The following NTN3 variants were observed in gnomAD, a reference collection of about 807,000 sequenced individuals.
NTN3 encodes the protein netrin 3, also known as netrin-3.
A neutral mutation model predicts 37.2 loss-of-function variants in NTN3; 44 were observed. The observed-to-expected ratio is 1.18, with a 90% CI of 0.93 to 1.52. The LOEUF is 1.52. Ranked by LOEUF, NTN3 falls within the 40% of genes most tolerant of loss-of-function variation. NTN3 has a pLI of 0.00. For missense variants in NTN3, 882 were observed against 857.3 expected (o/e 1.03, Z -0.36); for synonymous variants, 385 against 376.0 (o/e 1.02, Z -0.28).
chr16:2,472,168 T>C lies in NTN3; in HGVS notation c.467T>C (p.Leu156Pro), dbSNP rs2065525371. 1 of 1,608,606 alleles carries C rather than the reference T, an allele frequency of 6.2e-7. No homozygotes were observed. The highest frequency in any genetic ancestry group is 8.5e-7 in the Non-Finnish European group (1 of 1,179,854). Residue 156 changes from leucine to proline, a missense_variant, in exon 1 of 6, where the codon CTG becomes CCG. Transcript: ENST00000293973. ...GGCTTCTTCTCCTCCCACTGTGACC[T>C]GGACTATGGCCGTCTGCCTGCCCCT... is the stretch of plus-strand genomic sequence containing the variant. Reference protein sequence around the residue: ...PLGFFSSHCDLDYGRLPAPAN... With the variant: ...PLGFFSSHCDPDYGRLPAPAN...
At chr16:2,472,674 C>T in intron 1 of NTN3, 27 bp from the exon 2 acceptor site, 1 of 1,606,292 alleles carries the variant, frequency 6.2e-7, no homozygotes, top group Non-Finnish European at 8.5e-7. Context: ...CACAACCAGC[C>T]TGCCCCTGAC....
Position 2,472,017 on chromosome 16 carries a change from ACT to A in NTN3, c.320_321del (p.Leu107HisfsTer9). ...CCTGCCTCGGGCGCCCCTCAACGTG[ACT>A]CTCACGGTGCCCCTGGGCAAGGCTT... ...ESLPRAPLNVTLTVPLGKAFE... is the reference protein window; with the variant it reads ...ESLPRAPLNVXLTVPLGKAFE... On this transcript the variant is annotated frameshift_variant, in exon 1 of 6. Transcript: ENST00000293973. LOFTEE classifies it high-confidence loss of function. The A allele has an allele frequency of 6.2e-7, 1 of 1,606,388 alleles. No homozygotes were observed. The highest frequency in any genetic ancestry group is 1.3e-5 in the African/African-American group (1 of 74,912).
At position 2,472,118 on chromosome 16, in the gene NTN3, C is replaced by A; in HGVS notation, c.417C>A (p.Asp139Glu). The A allele has an allele frequency of 6.2e-7, 1 of 1,608,242 alleles. No homozygotes were observed. Among genetic ancestry groups the A allele is most frequent in the Non-Finnish European group, 8.5e-7 (1 of 1,178,888 alleles). ...CCGTGGCCCTGCTCAAGTCTCAGGA[C>A]CATGGCCGCAGCTGGGCCCCGCTGG... is the stretch of plus-strand genomic sequence containing the variant. ...PASVALLKSQ[D>E]HGRSWAPLGF... is the part of the protein sequence containing the mutation. The change falls in exon 1 of 6, where the codon GAC (aspartate) becomes GAA (glutamate). Residue 139 changes from aspartate (D) to glutamate (E), a missense_variant. Physicochemically the swap from Asp to Glu is conservative, Grantham distance 45. Coordinates refer to ENST00000293973, the MANE Select transcript of NTN3 (RefSeq NM_006181.3).
chr16:2,472,685 C>T lies in NTN3; in HGVS notation c.929-16C>T, dbSNP rs779616791. On this transcript the variant is annotated splice_polypyrimidine_tract_variant and intron_variant, in intron 1 of 5. Coordinates refer to ENST00000293973, the MANE Select transcript of NTN3 (RefSeq NM_006181.3). Reference sequence around the variant, plus strand: ...TGGACACAACCAGCCTGCCCCTGACCCATCCCTCCCTGCAGCTTGCTCCTG... The same window carrying T: ...TGGACACAACCAGCCTGCCCCTGACTCATCCCTCCCTGCAGCTTGCTCCTG... 14 of 1,608,684 alleles carry T rather than the reference C, an allele frequency of 8.7e-6. No homozygotes were observed. In the African/African-American group the frequency reaches 1.5e-4, roughly 17 times the overall value.
chr16:2,472,230 T>C lies in NTN3; in HGVS notation c.529T>C (p.Cys177Arg). The C allele has an allele frequency of 3.1e-6, 5 of 1,610,538 alleles. No individual in the cohort carries two copies. Among genetic ancestry groups the C allele is most frequent in the Non-Finnish European group, 3.4e-6 (4 of 1,179,694 alleles). ...AGCTGGCCCAGGGCCTGAGGCCCTG[T>C]GCTTCCCCGCACCCCTGGCCCAGCC... The part of the protein sequence containing the change: ...GPAGPGPEAL[C>R]FPAPLAQPDG... The change falls in exon 1 of 6, where the codon TGC (cysteine) becomes CGC (arginine). Residue 177 changes from cysteine to arginine, a missense_variant. Transcript: ENST00000293973.
At chr16:2,473,731 C>T (rs779816059) in intron 5 of NTN3, 25 bp from the exon 6 acceptor site, 2 of 1,423,500 alleles carry the variant, frequency 1.4e-6, no homozygotes, top group African/African-American at 1.5e-5. Flanking sequence ...CTTCCTGACC[C>T]CGCCCCCTCT....
chr16:2,473,640 G>C (rs2065537139), intron 5 of NTN3, 116 bp from the exon 6 acceptor site: 5 of 1,248,326 alleles, frequency 4.0e-6, no homozygotes, highest in Non-Finnish European at 2.2e-6. Context: ...GGTCCTCCAC[G>C]GGCAGCGACC....
chr16:2,473,526 C>A, intron 5 of NTN3, 23 bp downstream of exon 5: 1 of 1,603,804 alleles, frequency 6.2e-7, no homozygotes, highest in South Asian at 1.1e-5. Context: ...AGGCCTCCCG[C>A]GGACCTTCCC....
intron 1 of NTN3, 31 bp downstream of exon 1, chr16:2,472,660 T>C: frequency 6.2e-7 from 1 of 1,604,058 alleles, no homozygotes; most frequent in Non-Finnish European, 8.5e-7. Context: ...CTGGGGACCT[T>C]GGACACAACC....
chr16:2,472,687 A>G lies in NTN3; in HGVS notation c.929-14A>G, dbSNP rs746708582. ...GACACAACCAGCCTGCCCCTGACCC[A>G]TCCCTCCCTGCAGCTTGCTCCTGCA... On this transcript the variant is annotated splice_polypyrimidine_tract_variant and intron_variant, in intron 1 of 5. Transcript: ENST00000293973. The G allele has an allele frequency of 3.7e-6, 6 of 1,608,420 alleles. No homozygotes were observed. The highest frequency in any genetic ancestry group is 5.1e-6 in the Non-Finnish European group (6 of 1,178,816).
rs1043175005 is a variant in NTN3, at chr16:2,472,020, C to T, written c.319C>T (p.Leu107Phe). ...GCCTCGGGCGCCCCTCAACGTGACT[C>T]TCACGGTGCCCCTGGGCAAGGCTTT... ...SLPRAPLNVT[L>F]TVPLGKAFEL... The change falls in exon 1 of 6, where the codon CTC becomes TTC. Residue 107 changes from leucine to phenylalanine, a missense_variant. Transcript: ENST00000293973. The T allele has an allele frequency of 1.9e-6, 3 of 1,607,238 alleles. No individual in the cohort carries two copies. The highest frequency in any genetic ancestry group is 1.7e-5 in the Admixed American group (1 of 59,960).
At position 2,472,508 on chromosome 16, in the gene NTN3, G is replaced by A; in HGVS notation, c.807G>A (p.Gln269=). ...CCTCACGGTGCCTGCTGGACACACA[G>A]GGCCACCTGATCTGCGACTGTCGGC... is the stretch of plus-strand genomic sequence containing the variant. The part of the protein sequence containing the change: ...GHASRCLLDT[Q]GHLICDCRHG... The change falls in exon 1 of 6, where the codon CAG becomes CAA. Residue 269 remains glutamine (Q), a synonymous_variant. Transcript: ENST00000293973. 6.3e-7 allele frequency: 1 copy of A among 1,594,084 alleles called. No individual in the cohort carries two copies.
In NTN3 at chr16:2,472,244, C is replaced by A; in HGVS notation, c.543C>A (p.Pro181=). 6.2e-7 allele frequency: 1 copy of A among 1,609,826 alleles called. No homozygotes were observed. The highest frequency in any genetic ancestry group is 8.5e-7 in the Non-Finnish European group (1 of 1,179,000). Residue 181 remains proline (P), a synonymous_variant, in exon 1 of 6, where the codon CCC becomes CCA. Coordinates refer to ENST00000293973, the MANE Select transcript of NTN3 (RefSeq NM_006181.3). ...CTGAGGCCCTGTGCTTCCCCGCACC[C>A]CTGGCCCAGCCTGATGGCAGCGGCC... ...PGPEALCFPA[P]LAQPDGSGLL... is the part of the protein sequence containing the mutation.
rs2065522498 is a variant in NTN3 at position 2,471,839 on chromosome 16, C to T, written c.138C>T (p.Asn46=). 1.4e-6 allele frequency: 2 copies of T among 1,446,434 alleles called. No individual in the cohort carries two copies. Among genetic ancestry groups the T allele is most frequent in the African/African-American group, 1.5e-5 (1 of 67,936 alleles). 89.6% of individuals were successfully genotyped at this position (1,446,434 alleles called of 1,614,324 possible). A position where few individuals can be genotyped will look rare whatever the true frequency, so the allele number is the denominator to read the frequency against. ...APRGCVPGLV[N]AALGREVLAS... ...GCGGCTGCGTGCCAGGACTGGTGAA[C>T]GCCGCCCTGGGCCGCGAGGTGCTGG... Residue 46 remains asparagine (N), a synonymous_variant, in exon 1 of 6, where the codon AAC becomes AAT. Transcript: ENST00000293973.
intron 2 of NTN3, 21 bp from the exon 3 acceptor site, chr16:2,472,964 C>T: frequency 2.5e-6 from 4 of 1,587,824 alleles, no homozygotes; most frequent in East Asian, 4.5e-5. Context: ...CTGACCAGGC[C>T]CTTCCCACCT....
chr16:2,473,042 A>C lies in NTN3; in HGVS notation c.1175A>C (p.Gln392Pro). 1 of 1,611,418 alleles carries C rather than the reference A, an allele frequency of 6.2e-7. No homozygotes were observed. Among genetic ancestry groups the C allele is most frequent in the Non-Finnish European group, 8.5e-7 (1 of 1,179,404 alleles). ...AGKTCNQTTG[Q>P]CPCKDGVTGL... ...AAGACCTGCAACCAGACCACAGGCC[A>C]GTGTCCCTGCAAGGATGGCGTCACT... Residue 392 changes from glutamine to proline, a missense_variant, in exon 3 of 6, where the codon CAG becomes CCG. Transcript: ENST00000293973.
At chr16:2,473,241 C>G (rs1433257985) in intron 3 of NTN3, 27 bp from the exon 4 acceptor site, 1 of 1,611,116 alleles carries the variant, frequency 6.2e-7, no homozygotes, top group South Asian at 1.1e-5. Flanking sequence ...CCCTCCATCG[C>G]AGGCCATTCT....
Position 2,473,033 on chromosome 16 carries a change from C to T in NTN3, c.1166C>T (p.Thr389Ile). Residue 389 changes from threonine to isoleucine, a missense_variant, in exon 3 of 6, where the codon ACC (threonine) becomes ATC (isoleucine). Physicochemically the swap from Thr to Ile is moderately conservative, Grantham distance 89 (BLOSUM62 -1). Transcript: ENST00000293973. ...GCTGCTGGCAAGACCTGCAACCAGACCACAGGCCAGTGTCCCTGCAAGGAT... is the reference window on the plus strand; with the variant it reads ...GCTGCTGGCAAGACCTGCAACCAGATCACAGGCCAGTGTCCCTGCAAGGAT... The part of the protein sequence containing the change: ...VGAAGKTCNQ[T>I]TGQCPCKDGV... 1.9e-6 allele frequency: 3 copies of T among 1,610,928 alleles called. No homozygotes were observed. Among genetic ancestry groups the T allele is most frequent in the South Asian group, 2.2e-5 (2 of 91,054 alleles).
intron 5 of NTN3, 68 bp downstream of exon 5, chr16:2,473,571 A>T (rs896692789): frequency 6.7e-7 from 1 of 1,502,936 alleles, no homozygotes; most frequent in African/African-American, 1.4e-5. Context: ...CTCCTCCGCC[A>T]GCTTCCCCTT....
Sources: allele counts gnomAD v4.1 joint callset, GRCh38; gene constraint gnomAD v4.1.1; transcripts MANE v1.5; gene names NCBI Gene and HGNC (gene_info 2026-07-23, HGNC 2026-07-21).